The following SLAMF9 variants were observed in gnomAD, a reference collection of about 807,000 sequenced individuals.
The protein encoded by SLAMF9 is CD2 family member 10.
Under a neutral mutation model 30.4 loss-of-function variants are expected in SLAMF9, and 25 were observed. The observed-to-expected ratio is 0.82, with a 90% CI of 0.60 to 1.15. The LOEUF is 1.15. Among genes scored for constraint, SLAMF9 ranks in the 50% most tolerant of loss-of-function variants. The probability of loss-of-function intolerance (pLI) is 0.00; values close to 1 mark genes in which losing one functional copy is unlikely to be tolerated. For synonymous variants in SLAMF9, 129 were observed against 127.2 expected (o/e 1.01, Z -0.09); for missense variants, 344 against 346.1 (o/e 0.99, Z 0.05).
At chr1:159,982,344 T>G in the SLAMF9 span, among the ~76,000 whole-genome samples, 1 of 152,160 alleles carries the variant, frequency 6.6e-6, no homozygotes, top group Non-Finnish European at 1.5e-5. Flanking sequence ...CCGCTTCACA[T>G]CAAGGCCTGT....
At chr1:159,969,274 AG>A in the SLAMF9 span, among the ~76,000 whole-genome samples, 2 of 136,234 alleles carry the variant, frequency 1.5e-5, no homozygotes, top group South Asian at 2.8e-4. Flanking sequence ...GGGATGGATA[AG>A]GGGGGAAGGG....
In SLAMF9 at chr1:159,952,411, CG is replaced by C; in HGVS notation, c.514del (p.Arg172GlyfsTer77). 2 of 1,614,048 alleles carry C rather than the reference CG, an allele frequency of 1.2e-6. No homozygotes were observed. The highest frequency in any genetic ancestry group is 1.7e-6 in the Non-Finnish European group (2 of 1,179,982). On this transcript the variant is annotated frameshift_variant, in exon 3 of 4. Coordinates refer to ENST00000368093, the MANE Select transcript of SLAMF9 (RefSeq NM_033438.4). LOFTEE classifies it high-confidence loss of function. Reference protein sequence around the residue: ...GMDMTYSWLSRGDSTYTFHEG... With the variant: ...GMDMTYSWLSXGDSTYTFHEG... ...ATGGAATGTATAAGTGCTATCCCCC[CG>C]GGAGAGCCAGCTGTAGGTCATATCC...
the SLAMF9 span, chr1:159,973,935 A>G: frequency 1.9e-6 from 3 of 1,612,070 alleles, no homozygotes; most frequent in South Asian, 3.3e-5. Flanking sequence ...TTCCTTAGAG[A>G]AATGAAGGAA....
chr1:159,955,162 C>T (rs964515626), upstream of SLAMF9, among the ~76,000 whole-genome samples: 1 of 151,182 alleles, frequency 6.6e-6, no homozygotes, highest in Non-Finnish European at 1.5e-5. Context: ...TATGAAAAGA[C>T]TTTAAATCGT....
In SLAMF9 at chr1:159,951,548, C is replaced by T. The variant is rs755631790; in HGVS notation, c.*113G>A. On this transcript the variant is annotated 3_prime_UTR_variant, in exon 4 of 4. Coordinates refer to ENST00000368093, the MANE Select transcript of SLAMF9 (RefSeq NM_033438.4). The stretch of plus-strand genomic sequence containing the variant: ...CCAGTCTTCCCTCAGAAGTATGGCT[C>T]TCTGGATACCCACCCCTGAGCACCT... 1.0e-4 allele frequency: 99 copies of T among 957,988 alleles called. No individual in the cohort carries two copies. Among genetic ancestry groups the T allele is most frequent in the Admixed American group, 4.9e-4 (22 of 44,962 alleles). 59.3% of individuals were successfully genotyped at this position (957,988 alleles called of 1,614,324 possible). A position where few individuals can be genotyped will look rare whatever the true frequency, so the allele number is the denominator to read the frequency against.
chr1:159,971,123 A>T, the SLAMF9 span, among the ~76,000 whole-genome samples: 2 of 152,212 alleles, frequency 1.3e-5, no homozygotes, highest in African/African-American at 4.8e-5. Flanking sequence ...GGTCAGGCTG[A>T]CACCTTTGTT....
At chr1:159,951,998 T>C (rs906336991) in intron 3 of SLAMF9, 132 bp from the exon 4 acceptor site, 2 of 765,502 alleles carry the variant, frequency 2.6e-6, no homozygotes, top group Non-Finnish European at 4.2e-6. Context: ...CAAGTGTCTC[T>C]GGAAATATAT....
the SLAMF9 span, chr1:159,978,939 A>G: frequency 6.6e-6 from 1 of 152,248 alleles, no homozygotes; most frequent in South Asian, 2.1e-4. Context: ...GGCCCCAGAA[A>G]TACTTAATTC....
In SLAMF9 at chr1:159,954,214, C is replaced by G; in HGVS notation, c.-77G>C. On this transcript the variant is annotated 5_prime_UTR_variant, in exon 1 of 4. Coordinates refer to ENST00000368093, the MANE Select transcript of SLAMF9 (RefSeq NM_033438.4). ...CTGTGCAGAAGACTGCATTAGGAGG[C>G]TCCTAGACACAAAGAGCCTGACTGA... 6.5e-7 allele frequency: 1 copy of G among 1,544,284 alleles called. No homozygotes were observed. Among genetic ancestry groups the G allele is most frequent in the South Asian group, 1.1e-5 (1 of 87,572 alleles).
intron 2 of SLAMF9, 68 bp downstream of exon 2, chr1:159,953,241 C>T (rs1651822754): frequency 1.5e-6 from 2 of 1,335,910 alleles, no homozygotes; most frequent in East Asian, 2.3e-5. Flanking sequence ...CTGAGACGCC[C>T]ACTCCATGGT....
chr1:159,952,193 G>C (rs1651768947), intron 3 of SLAMF9, 69 bp downstream of exon 3: 24 of 1,560,736 alleles, frequency 1.5e-5, no homozygotes, highest in Admixed American at 3.4e-5. Context: ...GGAAGAGCTG[G>C]GGGAGGGAGA....
the SLAMF9 span, among the ~76,000 whole-genome samples, chr1:159,966,670 G>A: frequency 3.3e-5 from 5 of 152,250 alleles, no homozygotes; most frequent in South Asian, 1.0e-3. Context: ...ACAGGTGTGA[G>A]GTGATACCTC....
At chr1:159,961,633 A>T in the SLAMF9 span, among the ~76,000 whole-genome samples, 1 of 152,222 alleles carries the variant, frequency 6.6e-6, no homozygotes, top group South Asian at 2.1e-4. Flanking sequence ...GTGCACCCAA[A>T]GGAGTCATTG....
At chr1:159,976,388 C>T in the SLAMF9 span, among the ~76,000 whole-genome samples, 1 of 151,994 alleles carries the variant, frequency 6.6e-6, no homozygotes, top group Non-Finnish European at 1.5e-5. Context: ...TACAGTGCAC[C>T]TCCATTTGTA....
upstream of SLAMF9, among the ~76,000 whole-genome samples, chr1:159,957,140 C>CA (rs143801500): frequency 0.61 from 63,735 of 104,708 alleles, 20,041 homozygotes; most frequent in East Asian, 0.83. Context: ...AAAAAAAAGA[C>CA]AAAAAAAAAA....
the SLAMF9 span, among the ~76,000 whole-genome samples, chr1:159,963,126 G>A: frequency 6.6e-6 from 1 of 152,176 alleles, no homozygotes; most frequent in African/African-American, 2.4e-5. Context: ...CCGCTTTATA[G>A]GGTGGTTGGG....
At chr1:159,958,413 G>A (rs1204654599), upstream of SLAMF9, among the ~76,000 whole-genome samples, 1 of 151,934 alleles carries the variant, frequency 6.6e-6, no homozygotes, top group Non-Finnish European at 1.5e-5. Flanking sequence ...TGTGGAGAAA[G>A]TCACTTCTGA....
At chr1:159,980,969 T>G in the SLAMF9 span, among the ~76,000 whole-genome samples, 1 of 152,196 alleles carries the variant, frequency 6.6e-6, no homozygotes, top group Non-Finnish European at 1.5e-5. Flanking sequence ...AGGAGAAGCC[T>G]GCATACACTA....
At chr1:159,960,845 T>C in the SLAMF9 span, among the ~76,000 whole-genome samples, 4,244 of 152,240 alleles carry the variant, frequency 0.028, 77 homozygotes, top group Middle Eastern at 0.054. Context: ...GGGAGTGCCA[T>C]GTTGGTGAGT....
Sources: allele counts gnomAD v4.1 joint callset (sites outside exome capture counted in the v4.1 genomes callset), GRCh38; gene constraint gnomAD v4.1.1; transcripts MANE v1.5; gene names NCBI Gene and HGNC (gene_info 2026-07-23, HGNC 2026-07-21).